CELF1: variants seen among roughly 807,000 people sequenced by gnomAD.
The protein encoded by CELF1 is 50 kDa nuclear polyadenylated RNA-binding protein.
CELF1 carries 10 observed loss-of-function variants against 61.8 expected under a neutral mutation model. The observed-to-expected ratio is 0.16, with a 90% confidence interval of 0.10 to 0.27. The LOEUF (loss-of-function observed/expected upper bound fraction) is 0.27. CELF1 is among the 10% of genes least tolerant of loss of function. The probability of loss-of-function intolerance (pLI) is 1.00; values close to 1 mark genes in which losing one functional copy is unlikely to be tolerated. For missense variants in CELF1, 380 were observed against 639.1 expected (o/e 0.59, Z 4.37); for synonymous variants, 236 against 225.1 (o/e 1.05, Z -0.43).
upstream of CELF1, among the ~76,000 whole-genome samples, chr11:47,553,275 C>T: frequency 6.6e-6 from 1 of 152,052 alleles, no homozygotes; most frequent in Non-Finnish European, 1.5e-5. Context: ...GGGCCGAGCG[C>T]CGGGCGCTGC....
chr11:47,502,953 C>T (rs2094108965), intron 1 of CELF1, among the ~76,000 whole-genome samples: 1 of 152,190 alleles, frequency 6.6e-6, no homozygotes, highest in Non-Finnish European at 1.5e-5. Context: ...TTTCCCTCAG[C>T]CTCTTTTCAT....
chr11:47,516,570 T>TA (rs2095564797), intron 1 of CELF1, among the ~76,000 whole-genome samples: 1 of 152,146 alleles, frequency 6.6e-6, no homozygotes, highest in Admixed American at 6.5e-5. Flanking sequence ...TTGCAATTAT[T>TA]AGGCCTCCCC....
At position 47,499,535 on chromosome 11, in the gene CELF1, C is replaced by T. The variant is rs2093633826; in HGVS notation, c.-12G>A. 2 of 1,533,592 alleles carry T rather than the reference C, an allele frequency of 1.3e-6. No homozygotes were observed. The highest frequency in any genetic ancestry group is 2.4e-5 in the East Asian group (1 of 40,914). The allele number at this position is 1,533,592 out of a possible 1,614,324, so 95.0% of individuals were successfully genotyped here. On this transcript the variant is annotated 5_prime_UTR_variant, in exon 3 of 15. Coordinates refer to ENST00000687097, the MANE Select transcript of CELF1 (RefSeq NM_001376376.1). ...TTAAACGCAGCCATCACCTCACTCT[C>T]CCCTTCAGAAGCCAATGATATTAAC... is the stretch of plus-strand genomic sequence containing the variant.
At chr11:47,510,343 G>A (rs894408868) in intron 1 of CELF1, among the ~76,000 whole-genome samples, 2 of 152,086 alleles carry the variant, frequency 1.3e-5, no homozygotes, top group Admixed American at 6.5e-5. Flanking sequence ...GTCTTTCCCA[G>A]GATGACTGGC....
chr11:47,477,338 A>G lies in CELF1; in HGVS notation c.932T>C (p.Leu311Pro), dbSNP rs754170502. The G allele has an allele frequency of 3.1e-6, 5 of 1,614,034 alleles. No homozygotes were observed. In the Admixed American group the frequency reaches 8.3e-5, roughly 27 times the overall value. The change falls in exon 11 of 15, where the codon CTC becomes CCC. Residue 311 changes from leucine to proline, a missense_variant. Coordinates refer to ENST00000687097, the MANE Select transcript of CELF1 (RefSeq NM_001376376.1). ...GCTGAGGGGACTGCTGGATGTAGTG[A>G]GAGCATTGGTACCACTTGGTGTGTT... ...AQNTPSGTNA[L>P]TTSSSPLSVL...
At chr11:47,480,956 T>C (rs1034973920) in intron 9 of CELF1, among the ~76,000 whole-genome samples, 28 of 152,016 alleles carry the variant, frequency 1.8e-4, no homozygotes, top group African/African-American at 6.7e-4. Context: ...TGAGCAGAGA[T>C]TGCGCCACTG....
chr11:47,508,194 C>T (rs2094682222), intron 1 of CELF1, among the ~76,000 whole-genome samples: 1 of 152,124 alleles, frequency 6.6e-6, no homozygotes, highest in African/African-American at 2.4e-5. Flanking sequence ...TAATGATTAT[C>T]ACAGATGGTA....
At position 47,470,825 on chromosome 11, in the gene CELF1, C is replaced by A. The variant is rs1025590511; in HGVS notation, c.*1405G>T. 1 of 152,236 alleles carries A rather than the reference C, an allele frequency of 6.6e-6. No individual in the cohort carries two copies. The highest frequency in any genetic ancestry group is 2.4e-5 in the African/African-American group (1 of 41,442). 9.4% of individuals were successfully genotyped at this position (152,236 alleles called of 1,614,324 possible). ...CCTTCCTGGTTCTCTACCCCCACAG[C>A]ACTTCTTAGAGCAGAGGCAGAGCCC... On this transcript the variant is annotated 3_prime_UTR_variant, in exon 15 of 15. Coordinates refer to ENST00000687097, the MANE Select transcript of CELF1 (RefSeq NM_001376376.1).
rs763712960 is a variant in CELF1, at chr11:47,472,329, C to T, written c.1446G>A (p.Ser482=). Residue 482 remains serine, a synonymous_variant, in exon 15 of 15, where the codon TCG becomes TCA. Coordinates refer to ENST00000687097, the MANE Select transcript of CELF1 (RefSeq NM_001376376.1). The part of the protein sequence containing the change: ...FGFVSYDNPV[S]AQAAIQSMNG... The stretch of plus-strand genomic sequence containing the variant: ...TCATGGACTGGATGGCAGCTTGGGC[C>T]GAAACAGGATTGTCGTAACTTACAA... The T allele has an allele frequency of 7.4e-6, 12 of 1,613,866 alleles. No individual in the cohort carries two copies. The highest frequency in any genetic ancestry group is 2.2e-5 in the South Asian group (2 of 91,064).
At chr11:47,556,657 G>A (rs573925499), upstream of CELF1, among the ~76,000 whole-genome samples, 2 of 152,276 alleles carry the variant, frequency 1.3e-5, no homozygotes, top group East Asian at 3.9e-4. Flanking sequence ...GACTGTTTGA[G>A]GCCAGGAATT....
intron 1 of CELF1, among the ~76,000 whole-genome samples, chr11:47,519,795 G>A (rs866630830): frequency 2.0e-4 from 31 of 151,480 alleles, no homozygotes; most frequent in African/African-American, 6.5e-4. Flanking sequence ...CCCAGGAGGC[G>A]CAGCTTTTAG....
At chr11:47,488,199 C>T (rs2088870751) in intron 4 of CELF1, among the ~76,000 whole-genome samples, 2 of 152,168 alleles carry the variant, frequency 1.3e-5, no homozygotes, top group Admixed American at 1.3e-4. Context: ...AAGAACATGT[C>T]TGTGTGTATA....
intron 5 of CELF1, 145 bp from the exon 6 acceptor site, chr11:47,486,943 ATG>A: frequency 2.6e-6 from 2 of 761,242 alleles, no homozygotes; most frequent in South Asian, 3.3e-5. Context: ...AGAAAACAGA[ATG>A]TGAGTCAAGA....
chr11:47,497,889 G>C (rs1344195152), intron 3 of CELF1, among the ~76,000 whole-genome samples: 2 of 152,180 alleles, frequency 1.3e-5, no homozygotes, highest in Admixed American at 6.5e-5. Flanking sequence ...CTGTGTCAAT[G>C]TTGGGTTGAA....
intron 7 of CELF1, among the ~76,000 whole-genome samples, chr11:47,483,994 A>G (rs1313772641): frequency 6.6e-6 from 1 of 152,162 alleles, no homozygotes; most frequent in African/African-American, 2.4e-5. Flanking sequence ...TGACTGGGCC[A>G]TATTGGCTAG....
chr11:47,489,931 T>C (rs548722732), intron 3 of CELF1, among the ~76,000 whole-genome samples: 2 of 120,946 alleles, frequency 1.7e-5, no homozygotes, highest in Non-Finnish European at 3.4e-5. Flanking sequence ...GAACATACCA[T>C]CTTGTTTTTT....
At chr11:47,559,008 ATATATGT>A (rs1487724363) in intron 2 of CELF1, among the ~76,000 whole-genome samples, 1 of 142,306 alleles carries the variant, frequency 7.0e-6, no homozygotes, top group East Asian at 2.0e-4. Context: ...GTTATACATA[ATATATGT>A]TATATATAAT....
At chr11:47,555,700 A>AT (rs1301497382), upstream of CELF1, among the ~76,000 whole-genome samples, 16 of 152,040 alleles carry the variant, frequency 1.1e-4, no homozygotes, top group East Asian at 3.8e-4. Context: ...ATTAAGATTT[A>AT]TTTTTTTTAA....
intron 7 of CELF1, 138 bp downstream of exon 7, chr11:47,484,251 G>A: frequency 1.2e-6 from 1 of 832,558 alleles, no homozygotes; most frequent in Non-Finnish European, 1.9e-6. Context: ...GGAGGTTCAG[G>A]CTGCAGTGAG....
Sources: gnomAD v4.1 joint callset for allele counts (sites outside exome capture counted in the v4.1 genomes callset) on GRCh38, gnomAD v4.1.1 for gene constraint, MANE v1.5 for transcripts, NCBI Gene and HGNC (gene_info 2026-07-23, HGNC 2026-07-21) for gene names.